The following FRMD6 variants were observed in gnomAD, a reference collection of about 807,000 sequenced individuals.
FRMD6 encodes FERM domain-containing protein 6.
FRMD6 carries 37 observed loss-of-function variants against 73.2 expected under a neutral mutation model. That is an observed-to-expected ratio of 0.51 (90% confidence interval 0.39 to 0.66). The LOEUF (loss-of-function observed/expected upper bound fraction) is 0.66, where lower values mean the gene tolerates loss of function less well. Among genes scored for constraint, FRMD6 ranks in the 30% least tolerant of loss-of-function variants. The probability of loss-of-function intolerance (pLI) is 0.00; values close to 1 mark genes in which losing one functional copy is unlikely to be tolerated. For missense variants in FRMD6, 714 were observed against 780.5 expected (o/e 0.91, Z 1.02); for synonymous variants, 273 against 282.2 (o/e 0.97, Z 0.33).
the FRMD6 span, among the ~76,000 whole-genome samples, chr14:51,478,325 T>C: frequency 5.3e-5 from 8 of 152,206 alleles, no homozygotes; most frequent in Admixed American, 5.2e-4. Context: ...TCTCATTGGA[T>C]TTTTTTTCCA....
chr14:51,498,486 C>T (rs1223727010), intron 1 of FRMD6, among the ~76,000 whole-genome samples: 6 of 152,186 alleles, frequency 3.9e-5, no homozygotes, highest in African/African-American at 1.4e-4. Flanking sequence ...TTTGTTATTT[C>T]TCATGATTCC....
the FRMD6 span, among the ~76,000 whole-genome samples, chr14:51,416,581 T>C: frequency 1.3e-5 from 2 of 152,192 alleles, no homozygotes; most frequent in African/African-American, 2.4e-5. Context: ...AACTATGTGG[T>C]CAATTTTGGA....
chr14:51,641,992 ATTATCTCCCACC>A (rs1289115929), intron 2 of FRMD6, among the ~76,000 whole-genome samples: 3 of 152,130 alleles, frequency 2.0e-5, no homozygotes, highest in African/African-American at 7.2e-5. Context: ...TTGTCTCACG[ATTATCTCCCACC>A]TTACAGATGC....
chr14:51,696,592 A>G (rs1245586615), intron 2 of FRMD6, among the ~76,000 whole-genome samples: 1 of 151,994 alleles, frequency 6.6e-6, no homozygotes, highest in Non-Finnish European at 1.5e-5. Context: ...CTAAAAATAT[A>G]TTAGACAAAA....
At chr14:51,686,611 A>ATT (rs201740313) in intron 1 of FRMD6, among the ~76,000 whole-genome samples, 1 of 149,404 alleles carries the variant, frequency 6.7e-6, no homozygotes, top group Non-Finnish European at 1.5e-5. Context: ...ATTAAAACTG[A>ATT]TTTTTTTTTT....
the FRMD6 span, among the ~76,000 whole-genome samples, chr14:51,458,188 G>T: frequency 6.6e-6 from 1 of 152,182 alleles, no homozygotes; most frequent in Non-Finnish European, 1.5e-5. Flanking sequence ...GTAGAAGAGA[G>T]TTGTGTTGAT....
chr14:51,615,995 CT>C (rs1326488900), intron 2 of FRMD6, among the ~76,000 whole-genome samples: 2 of 152,008 alleles, frequency 1.3e-5, no homozygotes, highest in African/African-American at 4.8e-5. Context: ...AAGGAAAGAT[CT>C]AGTTGAAAGG....
intron 1 of FRMD6, among the ~76,000 whole-genome samples, chr14:51,490,108 A>G (rs982369708): frequency 9.8e-5 from 15 of 152,372 alleles, no homozygotes; most frequent in Middle Eastern, 3.4e-3. Context: ...AGAGTTTGTC[A>G]TAACCAGATC....
intron 1 of FRMD6, among the ~76,000 whole-genome samples, chr14:51,521,686 C>A (rs1884961163): frequency 6.6e-6 from 1 of 150,804 alleles, no homozygotes; most frequent in Admixed American, 6.6e-5. Flanking sequence ...AGAAGTAGGT[C>A]TTAACCCCAA....
At chr14:51,464,738 G>A in the FRMD6 span, among the ~76,000 whole-genome samples, 240 of 152,272 alleles carry the variant, frequency 1.6e-3, 1 homozygote, top group Middle Eastern at 6.8e-3. Context: ...TGGTAGTGAG[G>A]TCAGGGGTCT....
At chr14:51,403,230 T>C in the FRMD6 span, among the ~76,000 whole-genome samples, 2 of 152,212 alleles carry the variant, frequency 1.3e-5, no homozygotes, top group African/African-American at 2.4e-5. Flanking sequence ...CTGTGGGCTC[T>C]TCCTCTTTCA....
chr14:51,667,520 A>G lies in FRMD6; in HGVS notation c.-147+15524A>G, dbSNP rs536217280. On this transcript the variant is annotated intron_variant, in intron 1 of 13. Transcript: ENST00000344768. ...TTTCTTCCAAAGAAAATAGAATTCT[A>G]TACTTAACCCATCTAAATATAGTGG... is the stretch of plus-strand genomic sequence containing the variant. Among the ~76,000 whole-genome samples, 11 of 152,350 alleles carry G rather than the reference A, an allele frequency of 7.2e-5. No individual in the cohort carries two copies. In the East Asian group the frequency reaches 1.9e-3, roughly 27 times the overall value.
intron 6 of FRMD6, 70 bp downstream of exon 6, chr14:51,705,005 A>G (rs1896540272): frequency 7.3e-7 from 1 of 1,368,508 alleles, no homozygotes. Context: ...GTTGCTACTC[A>G]TACTCTTTAA....
intron 1 of FRMD6, among the ~76,000 whole-genome samples, chr14:51,536,016 G>A (rs1301805981): frequency 6.7e-6 from 1 of 148,978 alleles, no homozygotes; most frequent in African/African-American, 2.5e-5. Context: ...ATGGTAAAAT[G>A]TCTATGCAAA....
At chr14:51,429,467 C>T in the FRMD6 span, among the ~76,000 whole-genome samples, 1 of 152,116 alleles carries the variant, frequency 6.6e-6, no homozygotes, top group Non-Finnish European at 1.5e-5. Flanking sequence ...TTTATCCACA[C>T]ATTACCAAAC....
chr14:51,635,366 C>G (rs1050074239), intron 2 of FRMD6, among the ~76,000 whole-genome samples: 2 of 152,176 alleles, frequency 1.3e-5, no homozygotes, highest in African/African-American at 4.8e-5. Context: ...CTGCACTGCA[C>G]TCCAGCAGGA....
chr14:51,463,215 T>G, the FRMD6 span, among the ~76,000 whole-genome samples: 1 of 152,230 alleles, frequency 6.6e-6, no homozygotes, highest in African/African-American at 2.4e-5. Flanking sequence ...ATTAATCTAC[T>G]GACTGAAAGT....
At chr14:51,502,570 G>A (rs956693541) in intron 1 of FRMD6, among the ~76,000 whole-genome samples, 5 of 152,144 alleles carry the variant, frequency 3.3e-5, no homozygotes, top group African/African-American at 1.2e-4. Context: ...GTCTGCTCTT[G>A]TACAAGTACC....
At chr14:51,723,803 T>C (rs192475866) in intron 12 of FRMD6, among the ~76,000 whole-genome samples, 5 of 150,676 alleles carry the variant, frequency 3.3e-5, no homozygotes, top group African/African-American at 9.7e-5. Flanking sequence ...GAACAAGTGG[T>C]TAAATTATAC....
Sources: gnomAD v4.1 joint callset for allele counts (sites outside exome capture counted in the v4.1 genomes callset) on GRCh38, gnomAD v4.1.1 for gene constraint, MANE v1.5 for transcripts, NCBI Gene and HGNC (gene_info 2026-07-23, HGNC 2026-07-21) for gene names.